The following WFDC1 variants were observed in gnomAD, a reference collection of about 807,000 sequenced individuals.
The protein encoded by WFDC1 is WAP four-disulfide core domain 1, also known as WAP four-disulfide core domain protein 1.
WFDC1 carries 39 observed loss-of-function variants against 32.9 expected under a neutral mutation model. That is an observed-to-expected ratio of 1.19 (90% CI 0.92 to 1.55). WFDC1 has a LOEUF of 1.55. WFDC1 is among the 40% of genes most tolerant of loss of function. The pLI is 0.00. For synonymous variants in WFDC1, 184 were observed against 137.4 expected, an observed-to-expected ratio of 1.34 and a Z score of -2.37; for missense variants, 386 against 309.5, an observed-to-expected ratio of 1.25 and a Z score of -1.85.
intron 1 of WFDC1, among the ~76,000 whole-genome samples, chr16:84,304,282 T>A (rs1907115512): frequency 6.6e-6 from 1 of 152,188 alleles, no homozygotes; most frequent in African/African-American, 2.4e-5. Flanking sequence ...CAGGCTGGAT[T>A]GCAGTGGTGC....
Position 84,295,037 on chromosome 16 carries a change from G to A in WFDC1, c.66G>A (p.Leu22=). ...AGATCATCCGGGCTCTGTGCCTCTT[G>A]CTACTTCTCCTCCACGCCGGCTCTG... The part of the protein sequence containing the change: ...RRQIIRALCL[L]LLLLHAGSAK... Residue 22 remains leucine (L), a synonymous_variant, in exon 1 of 7, where the codon TTG becomes TTA. Coordinates refer to ENST00000219454, the MANE Select transcript of WFDC1 (RefSeq NM_021197.4). 1 of 1,614,232 alleles carries A rather than the reference G, an allele frequency of 6.2e-7. No homozygotes were observed. Among genetic ancestry groups the A allele is most frequent in the Non-Finnish European group, 8.5e-7 (1 of 1,180,044 alleles).
At chr16:84,318,419 C>A in intron 3 of WFDC1, 64 bp downstream of exon 3, 1 of 1,543,550 alleles carries the variant, frequency 6.5e-7, no homozygotes, top group Non-Finnish European at 8.9e-7. Context: ...CAGCTGCTTC[C>A]AGAAAGCTGG....
At position 84,300,155 on chromosome 16, in the gene WFDC1, G is replaced by A. The variant is rs111588793; in HGVS notation, c.144+5040G>A. Among the ~76,000 whole-genome samples the A allele has an allele frequency of 8.7e-4, 132 of 152,332 alleles. 1 individual carries two copies. In the East Asian group the frequency reaches 0.025, roughly 28 times the overall value. ...TGACCTTCACCTTCATCTTTGTACC[G>A]TAAGCATCTGTGTCTGCTGGCCTGA... is the stretch of plus-strand genomic sequence containing the variant. On this transcript the variant is annotated intron_variant, in intron 1 of 6. Coordinates refer to ENST00000219454, the MANE Select transcript of WFDC1 (RefSeq NM_021197.4).
intron 2 of WFDC1, among the ~76,000 whole-genome samples, chr16:84,314,835 A>T (rs534072002): frequency 8.1e-4 from 123 of 152,344 alleles, no homozygotes; most frequent in Non-Finnish European, 1.3e-3. Flanking sequence ...ATGTGACCTG[A>T]CATAGGGATT....
chr16:84,295,148 C>G, intron 1 of WFDC1, 33 bp downstream of exon 1: 2 of 1,609,150 alleles, frequency 1.2e-6, no homozygotes, highest in Non-Finnish European at 1.7e-6. Context: ...CTGGGGCAGC[C>G]TGTGTGGGTG....
chr16:84,321,620 C>T (rs1908308738), intron 4 of WFDC1, among the ~76,000 whole-genome samples: 2 of 152,176 alleles, frequency 1.3e-5, no homozygotes, highest in African/African-American at 4.8e-5. Flanking sequence ...GGGTTCAAAC[C>T]AGTTAAAAAA....
rs922518099 is a variant in WFDC1 at position 84,318,477 on chromosome 16, C to G, written c.421+122C>G. On this transcript the variant is annotated intron_variant, in intron 3 of 6. Transcript: ENST00000219454. ...CATGCACGGGCCCTTCAGCCAAACA[C>G]TCAGCCCTCTTTGATCCTCCCCACC... 1.1e-5 allele frequency: 10 copies of G among 902,162 alleles called. No homozygotes were observed. The African/African-American group carries it at 1.5e-4, about 13-fold the overall frequency. The allele number at this position is 902,162 out of a possible 1,614,324, so 55.9% of individuals were successfully genotyped here.
At chr16:84,309,091 G>A (rs1179094680) in intron 1 of WFDC1, among the ~76,000 whole-genome samples, 3 of 152,184 alleles carry the variant, frequency 2.0e-5, no homozygotes, top group Non-Finnish European at 4.4e-5. Flanking sequence ...TGTGGAGCCC[G>A]CTCTGGTTGC....
intron 1 of WFDC1, among the ~76,000 whole-genome samples, chr16:84,306,121 T>C (rs917601578): frequency 3.3e-5 from 5 of 152,184 alleles, no homozygotes; most frequent in Non-Finnish European, 7.3e-5. Flanking sequence ...GTGTGGTCTC[T>C]TTTGATCTTC....
chr16:84,303,885 C>A (rs1021674797), intron 1 of WFDC1, among the ~76,000 whole-genome samples: 1 of 152,186 alleles, frequency 6.6e-6, no homozygotes, highest in African/African-American at 2.4e-5. Flanking sequence ...TATGGATCTG[C>A]CTGTTGTAGA....
chr16:84,319,153 G>A (rs1454027339), intron 3 of WFDC1: 3 of 502,912 alleles, frequency 6.0e-6, no homozygotes, highest in Non-Finnish European at 1.1e-5. Flanking sequence ...CCGTGAACAT[G>A]TCTATATGGA....
At chr16:84,307,102 G>A (rs1198865014) in intron 1 of WFDC1, among the ~76,000 whole-genome samples, 2 of 152,148 alleles carry the variant, frequency 1.3e-5, no homozygotes, top group Admixed American at 1.3e-4. Flanking sequence ...GGTGGCTGGA[G>A]AGAATGAGTA....
intron 1 of WFDC1, 134 bp downstream of exon 1, chr16:84,295,249 C>A: frequency 2.5e-6 from 3 of 1,195,734 alleles, no homozygotes; most frequent in East Asian, 2.5e-5. Flanking sequence ...TCTTCCTATC[C>A]GTGTGTGTCT....
chr16:84,311,068 T>C (rs762598853), intron 1 of WFDC1, among the ~76,000 whole-genome samples: 1 of 152,152 alleles, frequency 6.6e-6, no homozygotes, highest in Non-Finnish European at 1.5e-5. Flanking sequence ...GAGCACAAAC[T>C]GCTCACCACG....
At chr16:84,300,424 C>G (rs948627120) in intron 1 of WFDC1, among the ~76,000 whole-genome samples, 1 of 152,252 alleles carries the variant, frequency 6.6e-6, no homozygotes, top group Non-Finnish European at 1.5e-5. Flanking sequence ...CCCTTTCCTG[C>G]CCAGCTTCCC....
At chr16:84,295,521 G>C (rs1567647311) in intron 1 of WFDC1, 2 of 295,646 alleles carry the variant, frequency 6.8e-6, no homozygotes, top group African/African-American at 2.2e-5. Context: ...TCAGCAAACA[G>C]AATGAATACA....
intron 1 of WFDC1, among the ~76,000 whole-genome samples, chr16:84,308,251 C>A (rs1201308646): frequency 6.6e-6 from 1 of 152,122 alleles, no homozygotes; most frequent in Non-Finnish European, 1.5e-5. Flanking sequence ...AAACCTCTGG[C>A]CTTGGTGATT....
intron 1 of WFDC1, among the ~76,000 whole-genome samples, chr16:84,305,200 G>T (rs755647428): frequency 3.9e-5 from 6 of 152,264 alleles, no homozygotes; most frequent in Non-Finnish European, 5.9e-5. Context: ...CTTACTAAAT[G>T]CTGCCTCCCT....
chr16:84,310,661 TAG>T (rs375589378), intron 1 of WFDC1, among the ~76,000 whole-genome samples: 8 of 152,156 alleles, frequency 5.3e-5, no homozygotes, highest in African/African-American at 1.7e-4. Flanking sequence ...CCTATGCAAA[TAG>T]ATATATATAT....
Sources: allele counts gnomAD v4.1 joint callset (sites outside exome capture counted in the v4.1 genomes callset), GRCh38; gene constraint gnomAD v4.1.1; transcripts MANE v1.5; gene names NCBI Gene and HGNC (gene_info 2026-07-23, HGNC 2026-07-21).